SMARCC2: variants seen among roughly 807,000 people sequenced by gnomAD.
SMARCC2 encodes the protein SWI/SNF complex subunit SMARCC2.
Under a neutral mutation model 151.3 loss-of-function variants are expected in SMARCC2, and 15 were observed. The observed-to-expected ratio is 0.10, with a 90% CI of 0.07 to 0.15. The LOEUF (loss-of-function observed/expected upper bound fraction) is 0.15. Ranked by LOEUF, SMARCC2 falls within the 10% of genes least tolerant of loss-of-function variation. SMARCC2 has a pLI of 1.00. For missense variants in SMARCC2, 1,031 were observed against 1,599.7 expected, an observed-to-expected ratio of 0.64 and a Z score of 6.06; for synonymous variants, 590 against 609.5, an observed-to-expected ratio of 0.97 and a Z score of 0.47.
At position 56,163,448 on chromosome 12, in the gene SMARCC2, T is replaced by TCCCA. The variant is rs916274966; in HGVS notation, c.*237_*240dup. Reference sequence around the variant, plus strand: ...ACCAGCCCTTCCTTTAGGGCAGCATTCCCATCCTATCCTCTCTCCCAGACA... The same window carrying TCCCA: ...ACCAGCCCTTCCTTTAGGGCAGCATTCCCACCCATCCTATCCTCTCTCCCAGACA... On this transcript the variant is annotated 3_prime_UTR_variant, in exon 29 of 29. Transcript: ENST00000550164. The TCCCA allele has an allele frequency of 3.0e-6, 1 of 328,638 alleles. No individual in the cohort carries two copies. Among genetic ancestry groups the TCCCA allele is most frequent in the Non-Finnish European group, 5.5e-6 (1 of 181,288 alleles). 20.4% of individuals were successfully genotyped at this position (328,638 alleles called of 1,614,324 possible). A position where few individuals can be genotyped will look rare whatever the true frequency, so the allele number is the denominator to read the frequency against.
chr12:56,174,560 T>C (rs545106033), intron 16 of SMARCC2, 91 bp downstream of exon 16: 1 of 814,358 alleles, frequency 1.2e-6, no homozygotes, highest in South Asian at 1.4e-5. Flanking sequence ...TCTGCTCCTC[T>C]GTGTTCCTTG....
chr12:56,178,315 T>G (rs1019831811), intron 14 of SMARCC2, 89 bp downstream of exon 14: 58 of 1,479,792 alleles, frequency 3.9e-5, no homozygotes, highest in Middle Eastern at 1.7e-4. Flanking sequence ...AAAAAATAAC[T>G]TATTTGGAGG....
At position 56,162,878 on chromosome 12, in the gene SMARCC2, A is replaced by G. The variant is rs1722133180; in HGVS notation, c.*811T>C. The G allele has an allele frequency of 6.5e-6, 1 of 152,784 alleles. No homozygotes were observed. The highest frequency in any genetic ancestry group is 2.4e-5 in the African/African-American group (1 of 41,452). 9.5% of individuals were successfully genotyped at this position (152,784 alleles called of 1,614,324 possible). A position where few individuals can be genotyped will look rare whatever the true frequency, so the allele number is the denominator to read the frequency against. ...AGGAGTCCATGGATACAGCCCAGGG[A>G]AGGAAGGAGAACAGCCCCCAGTGCC... On this transcript the variant is annotated 3_prime_UTR_variant, in exon 29 of 29. Transcript: ENST00000550164.
At position 56,164,568 on chromosome 12, in the gene SMARCC2, A is replaced by T. The variant is rs374221700; in HGVS notation, c.3396T>A (p.Ser1132Arg). 6.2e-7 allele frequency: 1 copy of T among 1,613,990 alleles called. No homozygotes were observed. Among genetic ancestry groups the T allele is most frequent in the Non-Finnish European group, 8.5e-7 (1 of 1,180,006 alleles). ...GGTTAATACTGATGGAGTCAGCTAGACTACCAAATGGGATGATGGATGGAG... is the reference window on the plus strand; with the variant it reads ...GGTTAATACTGATGGAGTCAGCTAGTCTACCAAATGGGATGATGGATGGAG... ...PPAPSIIPFG[S>R]LADSISINLP... The change falls in exon 28 of 29, where the codon AGT (serine) becomes AGA (arginine). Residue 1132 changes from serine (S) to arginine (R), a missense_variant. Ser to Arg is a moderately radical substitution (Grantham distance 110). This residue lies in a region of SMARCC2 where 310 missense variants were observed against 350.0 expected (regional missense o/e 0.89). Coordinates refer to ENST00000550164, the MANE Select transcript of SMARCC2 (RefSeq NM_001330288.2).
chr12:56,169,954 G>T, intron 23 of SMARCC2, 43 bp from the exon 24 acceptor site: 3 of 1,586,920 alleles, frequency 1.9e-6, no homozygotes, highest in Non-Finnish European at 2.6e-6. Context: ...CAGGGATTAG[G>T]GTGATTAGTT....
chr12:56,175,002 G>C (rs1173393551), intron 15 of SMARCC2, among the ~76,000 whole-genome samples: 1 of 152,082 alleles, frequency 6.6e-6, no homozygotes, highest in Non-Finnish European at 1.5e-5. Flanking sequence ...GCTATACTTA[G>C]GGATATTTCA....
Position 56,189,462 on chromosome 12 carries a change from CT to C in SMARCC2, c.-2del. ...CGCCGTCCTTCTTCCGCACCGCCAT[CT>C]TCTCCGGCTCGGGCCCCGCCGCCGC... On this transcript the variant is annotated 5_prime_UTR_variant, in exon 1 of 29. Coordinates refer to ENST00000550164, the MANE Select transcript of SMARCC2 (RefSeq NM_001330288.2). 1.4e-6 allele frequency: 2 copies of C among 1,480,208 alleles called. No individual in the cohort carries two copies. Among genetic ancestry groups the C allele is most frequent in the South Asian group, 1.3e-5 (1 of 75,992 alleles). 91.7% of individuals were successfully genotyped at this position (1,480,208 alleles called of 1,614,324 possible). A position where few individuals can be genotyped will look rare whatever the true frequency, so the allele number is the denominator to read the frequency against.
intron 1 of SMARCC2, among the ~76,000 whole-genome samples, chr12:56,188,895 A>G (rs1204084838): frequency 6.6e-6 from 1 of 151,874 alleles, no homozygotes; most frequent in Non-Finnish European, 1.5e-5. Flanking sequence ...CCTGCTTTCC[A>G]TTCTCTCTCT....
rs1874220364 is a variant in SMARCC2, at chr12:56,172,883, GC to G, written c.1743+53del. On this transcript the variant is annotated intron_variant, in intron 18 of 28. Coordinates refer to ENST00000550164, the MANE Select transcript of SMARCC2 (RefSeq NM_001330288.2). ...TCATGTCTCTTCTTCCCGGGCAGGG[GC>G]CCCCCAATAAAGGGGAAAATGAGCA... is the stretch of plus-strand genomic sequence containing the variant. 3.8e-6 allele frequency: 6 copies of G among 1,589,086 alleles called. No individual in the cohort carries two copies. The Admixed American group carries it at 5.0e-5, about 13-fold the overall frequency.
chr12:56,162,383 T>TA lies in SMARCC2; in HGVS notation c.*1305dup, dbSNP rs1229464293. On this transcript the variant is annotated 3_prime_UTR_variant, in exon 29 of 29. Transcript: ENST00000550164. ...ATGGAACTGAAAGCAAATTAATTTATAAAAAAAAAAAAAAGAAAGAAAGAA... is the reference window on the plus strand; with the variant it reads ...ATGGAACTGAAAGCAAATTAATTTATAAAAAAAAAAAAAAAGAAAGAAAGAA... The TA allele has an allele frequency of 0.098, 40,770 of 416,812 alleles. 3 individuals are homozygous for TA. Among genetic ancestry groups the TA allele is most frequent in the South Asian group, 0.13 (4,774 of 35,474 alleles). The allele number at this position is 416,812 out of a possible 1,614,324, so 25.8% of individuals were successfully genotyped here.
Position 56,164,594 on chromosome 12 carries a change from C to CAGGAGG in SMARCC2, c.3364_3369dup (p.Pro1122_Pro1123dup), listed in dbSNP as rs768965678. ...CTACCAAATGGGATGATGGATGGAG[C>CAGGAGG]AGGAGGAGGAGGAGGAGGCGGCATG... On this transcript the variant is annotated inframe_insertion, in exon 28 of 29. Coordinates refer to ENST00000550164, the MANE Select transcript of SMARCC2 (RefSeq NM_001330288.2). The CAGGAGG allele has an allele frequency of 1.2e-6, 2 of 1,612,750 alleles. No individual in the cohort carries two copies. Among genetic ancestry groups the CAGGAGG allele is most frequent in the East Asian group, 2.2e-5 (1 of 44,844 alleles).
chr12:56,171,561 T>C lies in SMARCC2; in HGVS notation c.2185+118A>G, dbSNP rs561971681. 138 of 1,494,864 alleles carry C rather than the reference T, an allele frequency of 9.2e-5. 2 individuals carry two copies. In the South Asian group the frequency reaches 1.2e-3, roughly 13 times the overall value. 92.6% of individuals were successfully genotyped at this position (1,494,864 alleles called of 1,614,324 possible). ...ATGGAGCCTAGACAGGTGCCTGAGC[T>C]GAGGCCCGCACAGACAAGGCCAGCA... On this transcript the variant is annotated intron_variant, in intron 21 of 28. Transcript: ENST00000550164. This position sits in a 1 kb window ranked among gnomAD's most constrained non-coding sequence, Gnocchi z 4.2.
intron 3 of SMARCC2, chr12:56,185,496 T>C (rs1282945087): frequency 1.3e-5 from 3 of 226,628 alleles, no homozygotes; most frequent in Non-Finnish European, 2.6e-5. Flanking sequence ...TTTTTTTTCT[T>C]GAGAGGGAGT....
Position 56,169,511 on chromosome 12 carries a change from T to TCGG in SMARCC2, c.2715+17_2715+18insCCG. On this transcript the variant is annotated intron_variant, in intron 25 of 28. Coordinates refer to ENST00000550164, the MANE Select transcript of SMARCC2 (RefSeq NM_001330288.2). ...AGTGGACATTTTCTTCCCTGAGGTC[T>TCGG]TCAAGGTCTGGCCTCACCTTAGCTT... 1 of 1,612,548 alleles carries TCGG rather than the reference T, an allele frequency of 6.2e-7. No homozygotes were observed. Among genetic ancestry groups the TCGG allele is most frequent in the Admixed American group, 1.7e-5 (1 of 59,940 alleles).
At chr12:56,185,220 C>T (rs1876998508) in intron 3 of SMARCC2, 109 bp from the exon 4 acceptor site, 2 of 863,638 alleles carry the variant, frequency 2.3e-6, no homozygotes, top group Admixed American at 4.0e-5. Flanking sequence ...GCTCTGTCAC[C>T]TAGGCTGGAG....
At chr12:56,170,908 T>TTAAA (rs1247238458) in intron 22 of SMARCC2, among the ~76,000 whole-genome samples, 1 of 151,792 alleles carries the variant, frequency 6.6e-6, no homozygotes, top group East Asian at 1.9e-4. Flanking sequence ...AATTTTTGTA[T>TTAAA]ATTTAGTAGA....
chr12:56,181,084 G>C lies in SMARCC2; in HGVS notation c.974C>G (p.Thr325Ser). The part of the protein sequence containing the change: ...NAKKGPSTPY[T>S]KSKRGHREEE... ...TTCTCTGTGGCCACGCTTTGACTTA[G>C]TGTAAGGTGTTGAGGGACTGGGAAG... The change falls in exon 11 of 29, where the codon ACT becomes AGT. Residue 325 changes from threonine to serine, a missense_variant. This residue lies in a region of SMARCC2 where 127 missense variants were observed against 141.7 expected (regional missense o/e 0.90). Coordinates refer to ENST00000550164, the MANE Select transcript of SMARCC2 (RefSeq NM_001330288.2). 6.2e-7 allele frequency: 1 copy of C among 1,613,726 alleles called. No homozygotes were observed. Among genetic ancestry groups the C allele is most frequent in the Non-Finnish European group, 8.5e-7 (1 of 1,179,846 alleles).
intron 6 of SMARCC2, 39 bp from the exon 7 acceptor site, chr12:56,183,969 AGGGGG>A (rs1592321813): frequency 3.4e-6 from 5 of 1,472,678 alleles, no homozygotes; most frequent in Middle Eastern, 1.8e-4. Context: ...TATAAGCTAA[AGGGGG>A]ACACAAAAAA....
At chr12:56,181,337 C>T (rs538713398) in intron 10 of SMARCC2, 145 bp downstream of exon 10, 230 of 646,262 alleles carry the variant, frequency 3.6e-4, no homozygotes, top group Middle Eastern at 8.5e-4. Context: ...CTAAAGATCT[C>T]CTCATCTTCC....
Sources: gnomAD v4.1 joint callset for allele counts (sites outside exome capture counted in the v4.1 genomes callset) on GRCh38, gnomAD v4.1.1 for gene constraint, gnomAD v4.1.1 regional missense constraint, Gnocchi (gnomAD v3.1) non-coding constraint, MANE v1.5 for transcripts, NCBI Gene and HGNC (gene_info 2026-07-23, HGNC 2026-07-21) for gene names.